The following ATRAID variants were observed in gnomAD, a reference collection of about 807,000 sequenced individuals.
The protein encoded by ATRAID is all-trans retinoic acid-induced differentiation factor.
In ATRAID, 26 loss-of-function variants were observed where a neutral mutation model predicts 28.8. That is an observed-to-expected ratio of 0.90 (90% CI 0.66 to 1.25). ATRAID has a LOEUF of 1.25. Ranked by LOEUF, ATRAID falls within the 50% of genes most tolerant of loss-of-function variation. ATRAID has a pLI of 0.00. For synonymous variants in ATRAID, 131 were observed against 108.5 expected (o/e 1.21, Z -1.29); for missense variants, 308 against 285.9 (o/e 1.08, Z -0.56).
chr2:27,216,397 T>A (rs1055187833), intron 5 of ATRAID, 126 bp from the exon 6 acceptor site: 2 of 801,160 alleles, frequency 2.5e-6, no homozygotes, highest in Non-Finnish European at 4.2e-6. Context: ...TGTTTTTATC[T>A]GTAATTTTCT....
chr2:27,216,983 C>T lies in ATRAID; in HGVS notation c.*35C>T, dbSNP rs1044325. 1 of 1,541,308 alleles carries T rather than the reference C, an allele frequency of 6.5e-7. No individual in the cohort carries two copies. Among genetic ancestry groups the T allele is most frequent in the Non-Finnish European group, 8.9e-7 (1 of 1,121,636 alleles). On this transcript the variant is annotated 3_prime_UTR_variant, in exon 7 of 7. Transcript: ENST00000380171. ...GTCTTACCATTGACCTAAGATCAAT[C>T]TGAACTATCTTAGCCCAGTCAGGGA... is the stretch of plus-strand genomic sequence containing the variant.
At position 27,217,043 on chromosome 2, in the gene ATRAID, G is replaced by T; in HGVS notation, c.*95G>T. 1 of 1,137,402 alleles carries T rather than the reference G, an allele frequency of 8.8e-7. No individual in the cohort carries two copies. Among genetic ancestry groups the T allele is most frequent in the Non-Finnish European group, 1.2e-6 (1 of 806,770 alleles). 70.5% of individuals were successfully genotyped at this position (1,137,402 alleles called of 1,614,324 possible). On this transcript the variant is annotated 3_prime_UTR_variant, in exon 7 of 7. Transcript: ENST00000380171. ...CCTAGAAAGGCATCTTTCGCCAGTG[G>T]ATTCGCCTCAAGGTTGAGGCCGCCA... is the stretch of plus-strand genomic sequence containing the variant.
intron 1 of ATRAID, chr2:27,212,951 C>T: frequency 3.6e-6 from 2 of 558,412 alleles, no homozygotes; most frequent in Middle Eastern, 4.8e-4. Context: ...TGTGCGATAT[C>T]TGGTACTGAA....
intron 1 of ATRAID, 98 bp downstream of exon 1, chr2:27,212,565 G>A: frequency 6.7e-7 from 1 of 1,483,754 alleles, no homozygotes. Context: ...CGGGCCTGCG[G>A]TTCTGATTTC....
Position 27,212,318 on chromosome 2 carries a change from G to C in ATRAID, c.-51G>C, listed in dbSNP as rs201210592. The C allele has an allele frequency of 1.9e-6, 3 of 1,549,188 alleles. No individual in the cohort carries two copies. The highest frequency in any genetic ancestry group is 1.2e-5 in the South Asian group (1 of 83,994). On this transcript the variant is annotated 5_prime_UTR_variant, in exon 1 of 7. Transcript: ENST00000380171. ...AAGAGGGCCTGACGCGCTGCGGGGCGGGGCCGCGGGGCCGGGTCGCGCGAG... is the reference window on the plus strand; with the variant it reads ...AAGAGGGCCTGACGCGCTGCGGGGCCGGGCCGCGGGGCCGGGTCGCGCGAG...
At position 27,212,240 on chromosome 2, in the gene ATRAID, C is replaced by T. The variant is rs1286773554; in HGVS notation, c.-129C>T. ...CGCAGAGCTCCACGAGCAGGAAAAGCCCCCAAGCAGCCCCAGGGCGACTGG... is the reference window on the plus strand; with the variant it reads ...CGCAGAGCTCCACGAGCAGGAAAAGTCCCCAAGCAGCCCCAGGGCGACTGG... On this transcript the variant is annotated 5_prime_UTR_variant, in exon 1 of 7. Transcript: ENST00000380171. 5 of 1,561,280 alleles carry T rather than the reference C, an allele frequency of 3.2e-6. No individual in the cohort carries two copies. Among genetic ancestry groups the T allele is most frequent in the Non-Finnish European group, 4.3e-6 (5 of 1,153,330 alleles).
rs1271178513 is a variant in ATRAID at position 27,213,164 on chromosome 2, T to C, written c.100-13T>C. On this transcript the variant is annotated splice_polypyrimidine_tract_variant and intron_variant, in intron 1 of 6. Transcript: ENST00000380171. ...TTCTTTCTGGAGTTCTAATGTTTCT[T>C]TCTCTTCTGCAGATATGCACCCAAT... The C allele has an allele frequency of 1.2e-6, 2 of 1,609,444 alleles. No individual in the cohort carries two copies. The highest frequency in any genetic ancestry group is 2.2e-5 in the East Asian group (1 of 44,750).
Position 27,215,461 on chromosome 2 carries a change from G to A in ATRAID, c.294-13G>A, listed in dbSNP as rs199615657. ...AGGTTGATGCGAAAGTGCTAACATT[G>A]TGTACTTTGCAGAGACCTGCAAGCA... On this transcript the variant is annotated splice_polypyrimidine_tract_variant and intron_variant, in intron 3 of 6. Coordinates refer to ENST00000380171, the MANE Select transcript of ATRAID (RefSeq NM_001170795.4). The A allele has an allele frequency of 2.5e-6, 4 of 1,614,182 alleles. No homozygotes were observed. The African/African-American group carries it at 5.3e-5, about 22-fold the overall frequency.
chr2:27,216,441 A>T, intron 5 of ATRAID, 82 bp from the exon 6 acceptor site: 1 of 1,087,432 alleles, frequency 9.2e-7, no homozygotes, highest in East Asian at 2.4e-5. Context: ...TGATTGAGAG[A>T]ATCTAAGTTG....
Position 27,215,761 on chromosome 2 carries a change from G to C in ATRAID, c.487+8G>C. ...ATAACACTGGGGACCCAGGTATGCT[G>C]TCTTACCTCCAAACTTCTGGGAATT... On this transcript the variant is annotated splice_region_variant and intron_variant, in intron 5 of 6. Coordinates refer to ENST00000380171, the MANE Select transcript of ATRAID (RefSeq NM_001170795.4). 2 of 1,612,452 alleles carry C rather than the reference G, an allele frequency of 1.2e-6. No homozygotes were observed. The highest frequency in any genetic ancestry group is 1.7e-6 in the Non-Finnish European group (2 of 1,179,458).
intron 5 of ATRAID, among the ~76,000 whole-genome samples, 166 bp downstream of exon 5, chr2:27,215,919 G>A (rs764316975): frequency 6.6e-5 from 10 of 152,228 alleles, no homozygotes; most frequent in African/African-American, 7.2e-5. Flanking sequence ...TTTGTCTCAC[G>A]TGTGTCCGTG....
At position 27,212,087 on chromosome 2, in the gene ATRAID, C is replaced by T. The variant is rs1674574424; in HGVS notation, c.-282C>T. ...CTCGGCGTCCGGACGCGGGGAACACCGGGCTGAGGGAGTCTGCAGTCGGCT... is the reference window on the plus strand; with the variant it reads ...CTCGGCGTCCGGACGCGGGGAACACTGGGCTGAGGGAGTCTGCAGTCGGCT... On this transcript the variant is annotated 5_prime_UTR_variant, in exon 1 of 7. Coordinates refer to ENST00000380171, the MANE Select transcript of ATRAID (RefSeq NM_001170795.4). 7.3e-7 allele frequency: 1 copy of T among 1,367,094 alleles called. No homozygotes were observed. The highest frequency in any genetic ancestry group is 1.6e-5 in the African/African-American group (1 of 64,352). 84.7% of individuals were successfully genotyped at this position (1,367,094 alleles called of 1,614,324 possible).
Position 27,213,257 on chromosome 2 carries a change from G to C in ATRAID, c.180G>C (p.Leu60=). 1 of 1,614,170 alleles carries C rather than the reference G, an allele frequency of 6.2e-7. No homozygotes were observed. The highest frequency in any genetic ancestry group is 8.5e-7 in the Non-Finnish European group (1 of 1,180,020). ...GTAAAACGACACGAGAGCTAATGCT[G>C]CATGCCCGTTGCTGCCTGAATCAGA... ...FYCKTTRELM[L]HARCCLNQKG... The change falls in exon 2 of 7, where the codon CTG becomes CTC. Residue 60 remains leucine (L), a synonymous_variant. Transcript: ENST00000380171.
rs1344288040 is a variant in ATRAID at position 27,212,451 on chromosome 2, C to T, written c.83C>T (p.Ala28Val). The T allele has an allele frequency of 1.8e-5, 28 of 1,563,570 alleles. No individual in the cohort carries two copies. Among genetic ancestry groups the T allele is most frequent in the Non-Finnish European group, 2.3e-5 (26 of 1,155,366 alleles). Residue 28 changes from alanine to valine, a missense_variant, in exon 1 of 7, where the codon GCT becomes GTT. Transcript: ENST00000380171. Reference protein sequence around the residue: ...ALLLALGVERALALPEICTQC... With the variant: ...ALLLALGVERVLALPEICTQC... ...CTCCTCGCTCTGGGCGTGGAAAGGG[C>T]TCTGGCGCTACCCGAGGTACAGAAG...
intron 2 of ATRAID, chr2:27,213,533 A>C (rs1674701336): frequency 2.7e-6 from 1 of 377,282 alleles, no homozygotes; most frequent in Non-Finnish European, 4.7e-6. Context: ...CCCTAACTTC[A>C]AACTCAAAAT....
chr2:27,217,131 G>T lies in ATRAID; in HGVS notation c.*183G>T. On this transcript the variant is annotated 3_prime_UTR_variant, in exon 7 of 7. Transcript: ENST00000380171. ...AATACCAGTTCCCATTGGTGTTGTT[G>T]CCTATAATAAACACTTTTTTCTTTT... The T allele has an allele frequency of 1.8e-6, 1 of 551,732 alleles. No individual in the cohort carries two copies. The highest frequency in any genetic ancestry group is 3.1e-6 in the Non-Finnish European group (1 of 318,884). 34.2% of individuals were successfully genotyped at this position (551,732 alleles called of 1,614,324 possible).
intron 6 of ATRAID, 87 bp from the exon 7 acceptor site, chr2:27,216,757 A>T: frequency 7.0e-7 from 1 of 1,428,320 alleles, no homozygotes; most frequent in South Asian, 1.2e-5. Flanking sequence ...AGACAAAGTG[A>T]TAGGTATATT....
chr2:27,215,907 T>TA (rs1276664216), intron 5 of ATRAID, among the ~76,000 whole-genome samples, 154 bp downstream of exon 5: 1 of 152,220 alleles, frequency 6.6e-6, no homozygotes, highest in Non-Finnish European at 1.5e-5. Flanking sequence ...TATACTCTAT[T>TA]ATTTGTCTCA....
chr2:27,217,126 T>G lies in ATRAID; in HGVS notation c.*178T>G, dbSNP rs143971669. The G allele has an allele frequency of 1.1e-3, 633 of 563,336 alleles. 1 individual carries two copies. The highest frequency in any genetic ancestry group is 8.3e-3 in the Admixed American group (227 of 27,486). The allele number at this position is 563,336 out of a possible 1,614,324, so 34.9% of individuals were successfully genotyped here. On this transcript the variant is annotated 3_prime_UTR_variant, in exon 7 of 7. Transcript: ENST00000380171. Reference sequence around the variant, plus strand: ...AGACAAATACCAGTTCCCATTGGTGTTGTTGCCTATAATAAACACTTTTTT... The same window carrying G: ...AGACAAATACCAGTTCCCATTGGTGGTGTTGCCTATAATAAACACTTTTTT...
Sources: gnomAD v4.1 joint callset for allele counts (sites outside exome capture counted in the v4.1 genomes callset) on GRCh38, gnomAD v4.1.1 for gene constraint, MANE v1.5 for transcripts, NCBI Gene and HGNC (gene_info 2026-07-23, HGNC 2026-07-21) for gene names.